RBFOX1: variants seen among roughly 807,000 people sequenced by gnomAD.
RBFOX1 encodes the protein RNA binding fox-1 homolog 1.
RBFOX1 carries 8 observed loss-of-function variants against 57.7 expected under a neutral mutation model. The ratio of observed to expected loss-of-function variants is 0.14; its 90% CI spans 0.08 to 0.25. The LOEUF (loss-of-function observed/expected upper bound fraction) is 0.25. Ranked by LOEUF, RBFOX1 falls within the 10% of genes least tolerant of loss-of-function variation. RBFOX1 has a pLI of 1.00. For synonymous variants in RBFOX1, 326 were observed against 222.4 expected, an observed-to-expected ratio of 1.47 and a Z score of -4.15; for missense variants, 611 against 548.5, an observed-to-expected ratio of 1.11 and a Z score of -1.14.
intron 4 of RBFOX1, among the ~76,000 whole-genome samples, chr16:7,255,062 A>T (rs994504530): frequency 4.6e-5 from 7 of 152,126 alleles, no homozygotes; most frequent in Non-Finnish European, 8.8e-5. Context: ...TTAATATTTT[A>T]TTCATAATAT....
intron 2 of RBFOX1, among the ~76,000 whole-genome samples, chr16:6,607,223 T>A (rs1354211967): frequency 6.6e-6 from 1 of 152,154 alleles, no homozygotes; most frequent in Non-Finnish European, 1.5e-5. Context: ...CAGAAAGATA[T>A]CAGAATGTGC....
chr16:6,666,553 A>AT (rs1388403000), intron 3 of RBFOX1, among the ~76,000 whole-genome samples: 1 of 151,456 alleles, frequency 6.6e-6, no homozygotes, highest in Non-Finnish European at 1.5e-5. Flanking sequence ...AAAAAAAAAA[A>AT]AAAAACAAAT....
At chr16:6,590,480 C>G (rs1469074988) in intron 2 of RBFOX1, among the ~76,000 whole-genome samples, 1 of 152,084 alleles carries the variant, frequency 6.6e-6, no homozygotes, top group Admixed American at 6.5e-5. Context: ...ATTTGATGTA[C>G]CTGGTTCAGA....
At chr16:7,321,063 C>A (rs1223481655) in intron 4 of RBFOX1, among the ~76,000 whole-genome samples, 25 of 59,844 alleles carry the variant, frequency 4.2e-4, no homozygotes, top group Non-Finnish European at 7.0e-4. Flanking sequence ...ATCTATCTAT[C>A]TGTCTATCTA....
At chr16:5,783,496 G>C (rs532883607) in intron 3 of RBFOX1, among the ~76,000 whole-genome samples, 47 of 152,062 alleles carry the variant, frequency 3.1e-4, no homozygotes, top group Non-Finnish European at 6.0e-4. Context: ...AGGAAAAGTG[G>C]ATAGAAAAAA....
chr16:7,629,578 G>A (rs3785228), intron 10 of RBFOX1, among the ~76,000 whole-genome samples: 24,066 of 152,132 alleles, frequency 0.16, 2,502 homozygotes, highest in East Asian at 0.52. Flanking sequence ...AAACTCCTCA[G>A]AATTCTAATT....
chr16:7,177,024 C>T (rs1017591999), intron 4 of RBFOX1, among the ~76,000 whole-genome samples: 2 of 152,140 alleles, frequency 1.3e-5, no homozygotes, highest in African/African-American at 4.8e-5. Flanking sequence ...TCTCATTGAG[C>T]ACAAAATTCA....
intron 2 of RBFOX1, among the ~76,000 whole-genome samples, chr16:6,497,757 A>G (rs956622085): frequency 7.9e-5 from 12 of 151,976 alleles, no homozygotes; most frequent in South Asian, 2.1e-4. Flanking sequence ...GGGTTTCACC[A>G]TATTAGCCAG....
At chr16:7,700,019 A>G (rs182786026) in intron 14 of RBFOX1, among the ~76,000 whole-genome samples, 1 of 152,252 alleles carries the variant, frequency 6.6e-6, no homozygotes, top group Admixed American at 6.5e-5. Context: ...TTGGTGCTGT[A>G]GAGGGACATT....
chr16:6,992,959 A>G (rs933482466), intron 3 of RBFOX1, among the ~76,000 whole-genome samples: 3 of 152,056 alleles, frequency 2.0e-5, no homozygotes, highest in Non-Finnish European at 2.9e-5. Context: ...CTTCTTCCCA[A>G]TTACTTCTTT....
intron 4 of RBFOX1, among the ~76,000 whole-genome samples, chr16:7,343,750 T>C (rs1370390039): frequency 6.6e-6 from 1 of 151,824 alleles, no homozygotes; most frequent in Non-Finnish European, 1.5e-5. Context: ...GCCTGGTTCA[T>C]CTGCTGCAAC....
In RBFOX1 at chr16:5,789,554, C is replaced by T. The variant is rs74552244; in HGVS notation, c.319-77749C>T. Among the ~76,000 whole-genome samples the T allele has an allele frequency of 3.6e-3, 542 of 152,278 alleles. 4 individuals carry two copies. Among genetic ancestry groups the T allele is most frequent in the South Asian group, 0.016 (79 of 4,824 alleles). ...GTTTCATCATCATCATCGTCATCAT[C>T]ATCACTAGTACTGGCACTAGTATTT... On this transcript the variant is annotated intron_variant, in intron 3 of 19. Transcript: ENST00000641259.
At chr16:6,662,602 C>G (rs575145451) in intron 3 of RBFOX1, among the ~76,000 whole-genome samples, 24 of 151,920 alleles carry the variant, frequency 1.6e-4, no homozygotes, top group African/African-American at 5.3e-4. Flanking sequence ...TCCTTGTCAA[C>G]TATTTCTCAG....
intron 2 of RBFOX1, among the ~76,000 whole-genome samples, chr16:5,578,948 A>G (rs1198361187): frequency 7.0e-6 from 1 of 142,862 alleles, no homozygotes; most frequent in Non-Finnish European, 1.5e-5. Context: ...CCTGGGTTCT[A>G]GTGATTCTCC....
intron 1 of RBFOX1, among the ~76,000 whole-genome samples, chr16:5,258,291 G>A (rs145448312): frequency 0.014 from 2,199 of 151,962 alleles, 25 homozygotes; most frequent in Non-Finnish European, 0.019. Context: ...AACTATTAAC[G>A]TTTGCAATAT....
intron 3 of RBFOX1, chr16:6,704,601 C>A: frequency 6.6e-6 from 1 of 152,554 alleles, no homozygotes; most frequent in Middle Eastern, 2.5e-3. Flanking sequence ...CTTCACCTAG[C>A]TGGAGCCAAG....
At chr16:7,620,614 G>C (rs1172610542) in intron 10 of RBFOX1, among the ~76,000 whole-genome samples, 1 of 152,204 alleles carries the variant, frequency 6.6e-6, no homozygotes, top group Non-Finnish European at 1.5e-5. Flanking sequence ...TAGCCAGGAA[G>C]AGTCAGGTGT....
intron 3 of RBFOX1, among the ~76,000 whole-genome samples, chr16:6,881,502 T>C (rs928625172): frequency 6.6e-6 from 1 of 152,156 alleles, no homozygotes; most frequent in African/African-American, 2.4e-5. Context: ...ATAGAGAGCC[T>C]GTGTATCTTT....
At chr16:6,699,241 A>G (rs1237452767) in intron 3 of RBFOX1, among the ~76,000 whole-genome samples, 1 of 148,452 alleles carries the variant, frequency 6.7e-6, no homozygotes, top group Non-Finnish European at 1.5e-5. Context: ...TTAGCCTTGA[A>G]CTCTCTTCAC....
Sources: gnomAD v4.1 joint callset for allele counts (sites outside exome capture counted in the v4.1 genomes callset) on GRCh38, gnomAD v4.1.1 for gene constraint, MANE v1.5 for transcripts, NCBI Gene and HGNC (gene_info 2026-07-23, HGNC 2026-07-21) for gene names.